Variants in GRXCR2 observed in about 807,000 individuals in gnomAD.
The protein encoded by GRXCR2 is glutaredoxin domain-containing cysteine-rich protein 2.
GRXCR2 carries 23 observed loss-of-function variants against 24.8 expected under a neutral mutation model. That is an observed-to-expected ratio of 0.93 (90% CI 0.67 to 1.32). GRXCR2 has a LOEUF of 1.32. Ranked by LOEUF, GRXCR2 falls within the 40% of genes most tolerant of loss-of-function variation. The pLI, the probability that GRXCR2 is intolerant of heterozygous loss-of-function variation, is 0.00. For missense variants in GRXCR2, 315 were observed against 303.4 expected, an observed-to-expected ratio of 1.04 and a Z score of -0.28; for synonymous variants, 130 against 116.1, an observed-to-expected ratio of 1.12 and a Z score of -0.77.
At chr5:145,929,328 T>C (rs1252827301) in intron 2 of GRXCR2, among the ~76,000 whole-genome samples, 1 of 151,538 alleles carries the variant, frequency 6.6e-6, no homozygotes, top group African/African-American at 2.4e-5. Flanking sequence ...ATATCTGTTA[T>C]GTTACATAAA....
upstream of GRXCR2, among the ~76,000 whole-genome samples, chr5:145,874,979 C>A (rs1038469198): frequency 3.9e-5 from 6 of 152,206 alleles, no homozygotes; most frequent in Non-Finnish European, 5.9e-5. Flanking sequence ...TGCTTCTGGG[C>A]AGCCTTCCCA....
chr5:145,874,430 T>C (rs1756582062), upstream of GRXCR2, among the ~76,000 whole-genome samples: 1 of 151,966 alleles, frequency 6.6e-6, no homozygotes, highest in Non-Finnish European at 1.5e-5. Context: ...TCTCAATCTC[T>C]TGACCTCGTG....
At chr5:145,901,912 C>T (rs1220598958) in intron 2 of GRXCR2, among the ~76,000 whole-genome samples, 1 of 152,114 alleles carries the variant, frequency 6.6e-6, no homozygotes, top group African/African-American at 2.4e-5. Flanking sequence ...AGGAAGGGAG[C>T]TGTGGAGGTA....
At chr5:145,863,501 G>T (rs77454336) in intron 2 of GRXCR2, among the ~76,000 whole-genome samples, 1,547 of 152,254 alleles carry the variant, frequency 0.01, 38 homozygotes, top group African/African-American at 0.035. Context: ...CAGGCCTGCA[G>T]TATGACCTGC....
intron 2 of GRXCR2, among the ~76,000 whole-genome samples, chr5:145,928,469 C>T (rs1472852884): frequency 6.6e-6 from 1 of 152,086 alleles, no homozygotes; most frequent in East Asian, 1.9e-4. Context: ...TTTATTGCGG[C>T]ACTATTCACA....
chr5:145,902,923 C>T (rs949195353), intron 2 of GRXCR2, among the ~76,000 whole-genome samples: 3 of 152,146 alleles, frequency 2.0e-5, no homozygotes, highest in East Asian at 1.9e-4. Flanking sequence ...AAGGCATAAG[C>T]GACTGAACTT....
chr5:145,877,492 T>C (rs1756635981), upstream of GRXCR2, among the ~76,000 whole-genome samples: 1 of 151,894 alleles, frequency 6.6e-6, no homozygotes, highest in South Asian at 2.1e-4. Flanking sequence ...GAAAATAATA[T>C]GGAAACAGAT....
At chr5:145,900,755 G>A (rs558352060) in intron 2 of GRXCR2, among the ~76,000 whole-genome samples, 6 of 152,342 alleles carry the variant, frequency 3.9e-5, no homozygotes, top group African/African-American at 1.4e-4. Flanking sequence ...ACTTAAATCA[G>A]AGCTGCCATT....
At chr5:145,924,918 GAATA>G (rs956356026) in intron 2 of GRXCR2, among the ~76,000 whole-genome samples, 1 of 152,162 alleles carries the variant, frequency 6.6e-6, no homozygotes, top group African/African-American at 2.4e-5. Flanking sequence ...GGCCAAATCA[GAATA>G]AATAACTGCT....
rs970602411 is a variant in GRXCR2 at position 145,859,743 on chromosome 5, C to A, written c.737G>T (p.Cys246Phe). 6.2e-7 allele frequency: 1 copy of A among 1,613,964 alleles called. No homozygotes were observed. Among genetic ancestry groups the A allele is most frequent in the Non-Finnish European group, 8.5e-7 (1 of 1,179,976 alleles). The part of the protein sequence containing the change: ...NENGLQPCQI[C>F]NQ The stretch of plus-strand genomic sequence containing the variant: ...TGCAAAAGCCACGGGCTATTGATTG[C>A]AAATCTGGCAAGGCTGTAGGCCATT... Residue 246 changes from cysteine (C) to phenylalanine (F), a missense_variant, in exon 3 of 3, where the codon TGC becomes TTC. Coordinates refer to ENST00000377976, the MANE Select transcript of GRXCR2 (RefSeq NM_001080516.2).
At chr5:145,859,960 C>T in intron 2 of GRXCR2, 45 bp from the exon 3 acceptor site, 1 of 1,480,368 alleles carries the variant, frequency 6.8e-7, no homozygotes, top group African/African-American at 1.4e-5. Flanking sequence ...CAGTTCAAGT[C>T]CGTTGTTCAC....
rs778357933 is a variant in GRXCR2 at position 145,872,757 on chromosome 5, G to A, written c.212C>T (p.Pro71Leu). The change falls in exon 1 of 3, where the codon CCC (proline) becomes CTC (leucine). Residue 71 changes from proline to leucine, a missense_variant. Pro to Leu is a moderately conservative substitution (Grantham distance 98). Transcript: ENST00000377976. ...MDGVYGSGEVPRPQMCSPKLT... is the reference protein window; with the variant it reads ...MDGVYGSGEVLRPQMCSPKLT... The stretch of plus-strand genomic sequence containing the variant: ...CTTAGGGGAGCACATCTGGGGCCTG[G>A]GGACTTCCCCAGACCCATAAACACC... The A allele has an allele frequency of 6.2e-7, 1 of 1,614,024 alleles. No individual in the cohort carries two copies. Among genetic ancestry groups the A allele is most frequent in the Non-Finnish European group, 8.5e-7 (1 of 1,179,926 alleles).
At chr5:145,918,786 C>A (rs1757278469) in intron 2 of GRXCR2, among the ~76,000 whole-genome samples, 1 of 152,152 alleles carries the variant, frequency 6.6e-6, no homozygotes, top group Non-Finnish European at 1.5e-5. Context: ...ATATTTACTG[C>A]CCATTTACAA....
rs1757422780 is a variant in GRXCR2 at position 145,927,866 on chromosome 5, C to A, written c.-70+7835G>T. ...GGGAAGCACTTCATGTCTAAAACACCAAAAGCAATGGCAACAAAAGCCAAA... is the reference window on the plus strand; with the variant it reads ...GGGAAGCACTTCATGTCTAAAACACAAAAAGCAATGGCAACAAAAGCCAAA... On this transcript the variant is annotated intron_variant, in intron 2 of 3. Coordinates refer to the GRXCR2 transcript ENST00000639411. 2.0e-5 allele frequency among the ~76,000 whole-genome samples: 3 copies of A among 152,028 alleles called. No homozygotes were observed. In the South Asian group the frequency reaches 6.2e-4, roughly 32 times the overall value.
chr5:145,867,120 A>T (rs1282572453), intron 1 of GRXCR2, among the ~76,000 whole-genome samples: 2 of 152,238 alleles, frequency 1.3e-5, no homozygotes, highest in Non-Finnish European at 2.9e-5. Flanking sequence ...ACCAGCATAA[A>T]TAATAATATT....
At chr5:145,882,644 C>G (rs1370194224) in intron 2 of GRXCR2, among the ~76,000 whole-genome samples, 5 of 152,270 alleles carry the variant, frequency 3.3e-5, no homozygotes. Context: ...ACTAGAATTA[C>G]CATTTGACCC....
chr5:145,874,482 A>C (rs945592780), upstream of GRXCR2, among the ~76,000 whole-genome samples: 2 of 152,126 alleles, frequency 1.3e-5, no homozygotes, highest in Non-Finnish European at 2.9e-5. Context: ...GACTACAGGC[A>C]TGAGCCACCG....
intron 2 of GRXCR2, among the ~76,000 whole-genome samples, chr5:145,909,956 C>T (rs945613682): frequency 1.3e-5 from 2 of 152,262 alleles, no homozygotes; most frequent in African/African-American, 4.8e-5. Context: ...CGATCAGACA[C>T]GATTTCTCCT....
At chr5:145,895,022 CA>C in intron 2 of GRXCR2, among the ~76,000 whole-genome samples, 1 of 152,194 alleles carries the variant, frequency 6.6e-6, no homozygotes, top group African/African-American at 2.4e-5. Flanking sequence ...TAAACAGAAC[CA>C]ACGACAAAAA....
Sources: allele counts gnomAD v4.1 joint callset (sites outside exome capture counted in the v4.1 genomes callset), GRCh38; gene constraint gnomAD v4.1.1; transcripts MANE v1.5; gene names NCBI Gene and HGNC (gene_info 2026-07-23, HGNC 2026-07-21).